CDH18: variants seen among roughly 807,000 people sequenced by gnomAD.
The protein encoded by CDH18 is cadherin-18.
CDH18 carries 31 observed loss-of-function variants against 67.9 expected under a neutral mutation model. That is an observed-to-expected ratio of 0.46 (90% confidence interval 0.34 to 0.62). CDH18 has a LOEUF of 0.62. CDH18 is among the 20% of genes least tolerant of loss of function. The pLI is 0.01. For missense variants in CDH18, 890 were observed against 975.5 expected (o/e 0.91, Z 1.17); for synonymous variants, 362 against 347.2 (o/e 1.04, Z -0.48).
At chr5:19,963,146 T>G (rs1229741586) in intron 2 of CDH18, among the ~76,000 whole-genome samples, 1 of 152,144 alleles carries the variant, frequency 6.6e-6, no homozygotes, top group African/African-American at 2.4e-5. Context: ...TATGTACCCA[T>G]TCATTCACTG....
intron 1 of CDH18, among the ~76,000 whole-genome samples, chr5:20,420,923 T>A (rs1371418148): frequency 6.6e-6 from 1 of 151,300 alleles, no homozygotes; most frequent in Non-Finnish European, 1.5e-5. Context: ...AAACTGAAAT[T>A]TTTAACATTA....
intron 1 of CDH18, among the ~76,000 whole-genome samples, chr5:20,508,689 A>G (rs934230064): frequency 1.3e-5 from 2 of 152,038 alleles, no homozygotes; most frequent in Non-Finnish European, 2.9e-5. Flanking sequence ...CTAGCTTTAT[A>G]CAATTCTATT....
chr5:19,825,439 T>C (rs1780309811), intron 3 of CDH18, among the ~76,000 whole-genome samples: 1 of 152,144 alleles, frequency 6.6e-6, no homozygotes, highest in African/African-American at 2.4e-5. Flanking sequence ...GTCCCACTTC[T>C]GCCTGAACTC....
chr5:19,836,372 A>G (rs955973546), intron 3 of CDH18, among the ~76,000 whole-genome samples: 4 of 152,210 alleles, frequency 2.6e-5, no homozygotes, highest in African/African-American at 9.6e-5. Context: ...ACCTGGCATT[A>G]GATGGTATTT....
At chr5:20,378,447 G>A (rs1580863682) in intron 1 of CDH18, among the ~76,000 whole-genome samples, 2 of 152,210 alleles carry the variant, frequency 1.3e-5, no homozygotes, top group East Asian at 3.9e-4. Flanking sequence ...GCAGTCCTGC[G>A]AGGGTCCAGC....
intron 1 of CDH18, among the ~76,000 whole-genome samples, chr5:20,295,609 C>T (rs1747429924): frequency 6.6e-6 from 1 of 151,704 alleles, no homozygotes; most frequent in South Asian, 2.1e-4. Context: ...CACCTGTAGT[C>T]CCGGCTACTC....
rs952018141 is a variant in CDH18, at chr5:20,320,621, C to T, written c.-579-65116G>A. Among the ~76,000 whole-genome samples the T allele has an allele frequency of 3.3e-5, 5 of 152,304 alleles. 1 individual carries two copies. Among genetic ancestry groups the T allele is most frequent in the Admixed American group, 3.3e-4 (5 of 15,304 alleles). ...ACATCATTATCTCACTCACTGCCCC[C>T]AGATTTCTCCCTGAGATTCCTCCAT... is the stretch of plus-strand genomic sequence containing the variant. On this transcript the variant is annotated intron_variant, in intron 1 of 14. Transcript: ENST00000507958.
At chr5:19,629,655 T>C (rs1752111459) in intron 5 of CDH18, among the ~76,000 whole-genome samples, 1 of 152,214 alleles carries the variant, frequency 6.6e-6, no homozygotes, top group South Asian at 2.1e-4. Context: ...TTCGACTGCA[T>C]ATATTACTTT....
chr5:19,906,646 C>T (rs1456127294), intron 2 of CDH18, among the ~76,000 whole-genome samples: 1 of 151,942 alleles, frequency 6.6e-6, no homozygotes, highest in Non-Finnish European at 1.5e-5. Context: ...GCTGTTCAAA[C>T]TTGTGTAATT....
At chr5:19,813,181 T>C (rs1328240767) in intron 3 of CDH18, among the ~76,000 whole-genome samples, 5 of 151,928 alleles carry the variant, frequency 3.3e-5, no homozygotes, top group Non-Finnish European at 7.4e-5. Context: ...AGGAGAAATA[T>C]CTAATGTAGA....
intron 2 of CDH18, among the ~76,000 whole-genome samples, chr5:19,939,415 T>C (rs923501640): frequency 2.6e-5 from 4 of 151,714 alleles, no homozygotes; most frequent in African/African-American, 4.8e-5. Context: ...TTTTATTATA[T>C]ACTTATTTAA....
At chr5:19,962,395 A>AAAAAAAAGAAAAT (rs58319680) in intron 2 of CDH18, among the ~76,000 whole-genome samples, 2 of 117,058 alleles carry the variant, frequency 1.7e-5, no homozygotes, top group Non-Finnish European at 3.5e-5. Context: ...AAAAAAAAAA[A>AAAAAAAAGAAAAT]AGAAAATTCA....
In CDH18 at chr5:20,247,589, C is replaced by A. The variant is rs1465890048; in HGVS notation, c.-518+7855G>T. On this transcript the variant is annotated intron_variant, in intron 2 of 14. Transcript: ENST00000507958. ...GACCATCCTGGCCAGCATGGTGAAACCCCGTCTCTATTAAAAACAGAAAAA... is the reference window on the plus strand; with the variant it reads ...GACCATCCTGGCCAGCATGGTGAAAACCCGTCTCTATTAAAAACAGAAAAA... 1.3e-4 allele frequency among the ~76,000 whole-genome samples: 19 copies of A among 151,800 alleles called. 1 individual carries two copies.
chr5:20,370,642 G>A (rs182964104), intron 1 of CDH18, among the ~76,000 whole-genome samples: 3 of 152,186 alleles, frequency 2.0e-5, no homozygotes, highest in Non-Finnish European at 4.4e-5. Flanking sequence ...GACAGATACA[G>A]GAGAGAATGC....
At chr5:19,867,480 A>G (rs1785685361) in intron 2 of CDH18, among the ~76,000 whole-genome samples, 1 of 152,210 alleles carries the variant, frequency 6.6e-6, no homozygotes. Context: ...TAAGCATCAG[A>G]AAAAGTGGCA....
At chr5:20,271,333 G>C (rs1043249207) in intron 1 of CDH18, among the ~76,000 whole-genome samples, 1 of 151,956 alleles carries the variant, frequency 6.6e-6, no homozygotes, top group African/African-American at 2.4e-5. Context: ...AGCTCAATGA[G>C]AGGAATAAGT....
chr5:20,244,731 G>T (rs2174948), intron 2 of CDH18, among the ~76,000 whole-genome samples: 106,566 of 151,952 alleles, frequency 0.7, 38,032 homozygotes, highest in African/African-American at 0.85. Context: ...TATGTGATTT[G>T]ACAAAATGTA....
At chr5:20,335,846 A>G (rs1739677921) in intron 1 of CDH18, among the ~76,000 whole-genome samples, 1 of 152,258 alleles carries the variant, frequency 6.6e-6, no homozygotes, top group African/African-American at 2.4e-5. Flanking sequence ...GAACAAAGAC[A>G]TTAACACTAC....
chr5:20,138,592 A>G (rs1326662181), intron 2 of CDH18, among the ~76,000 whole-genome samples: 1 of 152,184 alleles, frequency 6.6e-6, no homozygotes. Context: ...AATCTCCTTA[A>G]GCTGATAAGC....
Sources: allele counts gnomAD v4.1 joint callset (sites outside exome capture counted in the v4.1 genomes callset), GRCh38; gene constraint gnomAD v4.1.1; transcripts MANE v1.5; gene names NCBI Gene and HGNC (gene_info 2026-07-23, HGNC 2026-07-21).